The following OPA3 variants were observed in gnomAD, a reference collection of about 807,000 sequenced individuals.
The protein encoded by OPA3 is optic atrophy 3 protein.
Under a neutral mutation model 4.0 loss-of-function variants are expected in OPA3, and 6 were observed. That is an observed-to-expected ratio of 1.51 (90% CI 0.83 to 2.99). The LOEUF is 2.99. OPA3 is among the 30% of genes most tolerant of loss of function. OPA3 has a pLI of 0.00. For synonymous variants in OPA3, 105 were observed against 117.1 expected (o/e 0.90, Z 0.67); for missense variants, 235 against 256.2 (o/e 0.92, Z 0.56).
intron 1 of OPA3, among the ~76,000 whole-genome samples, chr19:45,531,279 G>A (rs1451250716): frequency 6.6e-6 from 1 of 151,996 alleles, no homozygotes; most frequent in African/African-American, 2.4e-5. Context: ...TTAAATGCCA[G>A]CTGGACTCAC....
intron 1 of OPA3, among the ~76,000 whole-genome samples, chr19:45,536,215 A>G (rs1969115916): frequency 1.4e-5 from 2 of 142,074 alleles, no homozygotes; most frequent in Admixed American, 7.3e-5. Flanking sequence ...ATGACACAGC[A>G]AGACTCTATC....
intron 1 of OPA3, among the ~76,000 whole-genome samples, chr19:45,535,310 T>C (rs1236164247): frequency 6.6e-6 from 1 of 152,100 alleles, no homozygotes; most frequent in Non-Finnish European, 1.5e-5. Context: ...TTGCTGGTAC[T>C]GATGATAGGA....
intron 1 of OPA3, among the ~76,000 whole-genome samples, chr19:45,556,231 C>G (rs540273318): frequency 1.3e-5 from 2 of 152,152 alleles, no homozygotes; most frequent in Non-Finnish European, 2.9e-5. Context: ...GCAACCTCTG[C>G]CTCCCAGGCT....
chr19:45,538,701 C>T (rs1410427424), intron 1 of OPA3, among the ~76,000 whole-genome samples: 2 of 125,432 alleles, frequency 1.6e-5, no homozygotes, highest in Admixed American at 8.1e-5. Flanking sequence ...CCAGCCTGGG[C>T]AAAAAAGTGA....
chr19:45,569,433 T>A (rs1969629339), intron 1 of OPA3, among the ~76,000 whole-genome samples: 1 of 152,188 alleles, frequency 6.6e-6, no homozygotes. Context: ...CACTCCAGCC[T>A]GGGCGACAGA....
chr19:45,572,285 ATC>A, intron 1 of OPA3, among the ~76,000 whole-genome samples: 1 of 134,036 alleles, frequency 7.5e-6, no homozygotes, highest in African/African-American at 2.6e-5. Flanking sequence ...TAGTATATAT[ATC>A]GATATATATC....
In OPA3 at chr19:45,552,966, G is replaced by A. The variant is rs1457058096; in HGVS notation, c.*548C>T. The A allele has an allele frequency of 2.0e-6, 2 of 990,128 alleles. No individual in the cohort carries two copies. Among genetic ancestry groups the A allele is most frequent in the African/African-American group, 1.7e-5 (1 of 57,232 alleles). 61.3% of individuals were successfully genotyped at this position (990,128 alleles called of 1,614,324 possible). On this transcript the variant is annotated 3_prime_UTR_variant, in exon 2 of 2. Coordinates refer to ENST00000263275, the MANE Select transcript of OPA3 (RefSeq NM_025136.4). ...GCTAGGATTACAGGCGTGAGCCACC[G>A]CTCCCAGCCGCACCGTTTTTTTCCT... is the stretch of plus-strand genomic sequence containing the variant.
At chr19:45,570,466 T>TG (rs921275904) in intron 1 of OPA3, among the ~76,000 whole-genome samples, 1 of 152,088 alleles carries the variant, frequency 6.6e-6, no homozygotes, top group African/African-American at 2.4e-5. Context: ...GCAGATCACC[T>TG]GAGGTCAGGA....
At position 45,553,405 on chromosome 19, in the gene OPA3, C is replaced by G. The variant is rs563811459; in HGVS notation, c.*109G>C. ...GGGGTAACCAAATGCCAAGTTGCATCAAGATCCTGGTGGTTTCCACTGGGC... is the reference window on the plus strand; with the variant it reads ...GGGGTAACCAAATGCCAAGTTGCATGAAGATCCTGGTGGTTTCCACTGGGC... On this transcript the variant is annotated 3_prime_UTR_variant, in exon 2 of 2. Transcript: ENST00000263275. 9 of 1,593,326 alleles carry G rather than the reference C, an allele frequency of 5.6e-6. No individual in the cohort carries two copies. Among genetic ancestry groups the G allele is most frequent in the African/African-American group, 1.3e-5 (1 of 74,778 alleles).
rs139137940 is a variant in OPA3 at position 45,572,827 on chromosome 19, C to T, written c.142+11796G>A. Among the ~76,000 whole-genome samples the T allele has an allele frequency of 5.4e-3, 747 of 138,594 alleles. 5 individuals are homozygous for T. The highest frequency in any genetic ancestry group is 0.017 in the African/African-American group (648 of 37,996). 90.9% of individuals were successfully genotyped at this position (138,594 alleles called of 152,430 possible). A position where few individuals can be genotyped will look rare whatever the true frequency, so the allele number is the denominator to read the frequency against. The stretch of plus-strand genomic sequence containing the variant: ...ATACTATATATATAGATATATATCT[C>T]GATATATATCTATCTATATATATTT... On this transcript the variant is annotated intron_variant, in intron 1 of 1. Coordinates refer to ENST00000263275, the MANE Select transcript of OPA3 (RefSeq NM_025136.4).
Position 45,548,128 on chromosome 19 carries a change from T to C in OPA3, c.*5386A>G, listed in dbSNP as rs1390551082. 2.0e-6 allele frequency: 2 copies of C among 985,522 alleles called. No individual in the cohort carries two copies. The allele number at this position is 985,522 out of a possible 1,614,324, so 61.0% of individuals were successfully genotyped here. A position where few individuals can be genotyped will look rare whatever the true frequency, so the allele number is the denominator to read the frequency against. On this transcript the variant is annotated 3_prime_UTR_variant, in exon 2 of 2. Transcript: ENST00000263275. ...AGTTGATCCTCAGTACACTCAGAGT[T>C]GCCATGCTTCTCCTCTCTCTGTCCA...
At chr19:45,529,542 A>G in intron 1 of OPA3, 1 of 1,503,890 alleles carries the variant, frequency 6.6e-7, no homozygotes, top group South Asian at 1.1e-5. Context: ...TCCCCGTTGT[A>G]GCAATGGGGA....
At chr19:45,541,895 G>A (rs982155127), downstream of OPA3, among the ~76,000 whole-genome samples, 1 of 152,160 alleles carries the variant, frequency 6.6e-6, no homozygotes, top group Non-Finnish European at 1.5e-5. Context: ...AGGCTTCAAG[G>A]ATACGAAGAG....
chr19:45,533,188 G>T (rs1969078177), intron 1 of OPA3, among the ~76,000 whole-genome samples: 1 of 151,322 alleles, frequency 6.6e-6, no homozygotes, highest in South Asian at 2.1e-4. Context: ...ACTGCATCTG[G>T]CCAGGATGAT....
At chr19:45,539,473 C>T (rs186803470) in intron 1 of OPA3, among the ~76,000 whole-genome samples, 7 of 152,176 alleles carry the variant, frequency 4.6e-5, no homozygotes, top group Admixed American at 1.3e-4. Context: ...TTTTCTGCCA[C>T]GCTCGGCTAA....
rs1969316676 is a variant in OPA3 at position 45,550,492 on chromosome 19, T to G, written c.*3022A>C. 1 of 981,902 alleles carries G rather than the reference T, an allele frequency of 1.0e-6. No individual in the cohort carries two copies. The allele number at this position is 981,902 out of a possible 1,614,324, so 60.8% of individuals were successfully genotyped here. On this transcript the variant is annotated 3_prime_UTR_variant, in exon 2 of 2. Transcript: ENST00000263275. ...TGTAGAGATCGTCACCCTCCCAGCCTCTGCTCAGCCATCGCCTCTCCCTCC... is the reference window on the plus strand; with the variant it reads ...TGTAGAGATCGTCACCCTCCCAGCCGCTGCTCAGCCATCGCCTCTCCCTCC...
intron 1 of OPA3, among the ~76,000 whole-genome samples, chr19:45,571,375 C>T (rs1314981034): frequency 3.3e-5 from 5 of 152,044 alleles, no homozygotes; most frequent in Non-Finnish European, 7.4e-5. Context: ...TTGAACTCCC[C>T]GCCTCAGGGG....
chr19:45,534,927 A>G (rs1415585937), intron 1 of OPA3, among the ~76,000 whole-genome samples: 4 of 152,180 alleles, frequency 2.6e-5, no homozygotes, highest in Admixed American at 2.0e-4. Flanking sequence ...CACTGCATCC[A>G]GCCTGAACTC....
At chr19:45,578,955 A>G (rs546230763) in intron 1 of OPA3, among the ~76,000 whole-genome samples, 5 of 152,280 alleles carry the variant, frequency 3.3e-5, no homozygotes, top group Admixed American at 1.3e-4. Flanking sequence ...GGCCCCATAC[A>G]AACTGTCCCC....
Sources: gnomAD v4.1 joint callset for allele counts (sites outside exome capture counted in the v4.1 genomes callset) on GRCh38, gnomAD v4.1.1 for gene constraint, MANE v1.5 for transcripts, NCBI Gene and HGNC (gene_info 2026-07-23, HGNC 2026-07-21) for gene names.